CSMD1: variants seen among roughly 807,000 people sequenced by gnomAD.
CSMD1 encodes CUB and sushi domain-containing protein 1.
Under a neutral mutation model 417.5 loss-of-function variants are expected in CSMD1, and 213 were observed. That is an observed-to-expected ratio of 0.51 (90% CI 0.46 to 0.57). CSMD1 has a LOEUF of 0.57. Ranked by LOEUF, CSMD1 falls within the 20% of genes least tolerant of loss-of-function variation. CSMD1 has a pLI of 0.00. For synonymous variants in CSMD1, 2,862 were observed against 1,736.8 expected (o/e 1.65, Z -16.11); for missense variants, 6,923 against 4,529.7 (o/e 1.53, Z -15.17).
chr8:3,010,032 C>T (rs117203151), intron 52 of CSMD1, among the ~76,000 whole-genome samples: 2 of 152,294 alleles, frequency 1.3e-5, no homozygotes, highest in Non-Finnish European at 2.9e-5. Context: ...CTGGGCCTAT[C>T]CTGCCTCATT....
intron 3 of CSMD1, among the ~76,000 whole-genome samples, chr8:4,050,289 T>G (rs1274068191): frequency 6.6e-6 from 1 of 152,170 alleles, no homozygotes; most frequent in African/African-American, 2.4e-5. Context: ...AGGGAGGAAC[T>G]ATGAGCAGCA....
chr8:4,464,055 A>C (rs1365781264), intron 2 of CSMD1, among the ~76,000 whole-genome samples: 4 of 152,170 alleles, frequency 2.6e-5, no homozygotes, highest in South Asian at 2.1e-4. Context: ...AAAAAAAGGA[A>C]TATGGTAAGA....
intron 3 of CSMD1, among the ~76,000 whole-genome samples, chr8:4,329,311 TG>T (rs1452662012): frequency 2.0e-5 from 3 of 152,172 alleles, no homozygotes; most frequent in African/African-American, 4.8e-5. Context: ...TTTTTTGAGA[TG>T]GAGTCTTGCT....
At chr8:4,163,076 T>A (rs1456504657) in intron 3 of CSMD1, among the ~76,000 whole-genome samples, 2 of 152,340 alleles carry the variant, frequency 1.3e-5, no homozygotes, top group East Asian at 3.9e-4. Context: ...GTTAATTTTG[T>A]TTTAGCAATG....
chr8:4,315,991 CTTT>C (rs1310304867), intron 3 of CSMD1, among the ~76,000 whole-genome samples: 1 of 152,010 alleles, frequency 6.6e-6, no homozygotes, highest in Non-Finnish European at 1.5e-5. Context: ...ATCTTTTATT[CTTT>C]TTTCTTTCCT....
intron 1 of CSMD1, among the ~76,000 whole-genome samples, chr8:4,936,893 C>G (rs1807656077): frequency 6.6e-6 from 1 of 152,106 alleles, no homozygotes; most frequent in Non-Finnish European, 1.5e-5. Flanking sequence ...TTATTATTTT[C>G]TCTTGTGTTT....
chr8:4,685,751 A>C (rs538638841), intron 1 of CSMD1, among the ~76,000 whole-genome samples: 2 of 152,332 alleles, frequency 1.3e-5, no homozygotes, highest in African/African-American at 2.4e-5. Flanking sequence ...ATTACGTTTC[A>C]AATCTGTTGG....
At chr8:3,324,827 T>C (rs1806418593) in intron 23 of CSMD1, among the ~76,000 whole-genome samples, 1 of 152,246 alleles carries the variant, frequency 6.6e-6, no homozygotes, top group Non-Finnish European at 1.5e-5. Context: ...GTGCTAATTG[T>C]ATCACTTCAG....
chr8:4,723,116 C>T (rs1400108030), intron 1 of CSMD1, among the ~76,000 whole-genome samples: 2 of 152,144 alleles, frequency 1.3e-5, no homozygotes, highest in Non-Finnish European at 2.9e-5. Flanking sequence ...CTGACTTGTA[C>T]ACCTAACACC....
chr8:4,439,296 G>A (rs1225990155), intron 2 of CSMD1, among the ~76,000 whole-genome samples: 3 of 152,162 alleles, frequency 2.0e-5, no homozygotes, highest in Admixed American at 6.5e-5. Flanking sequence ...TTTCACTGCT[G>A]CCAAAATTAC....
intron 37 of CSMD1, among the ~76,000 whole-genome samples, chr8:3,176,681 G>A (rs1563112856): frequency 6.6e-6 from 1 of 152,124 alleles, no homozygotes; most frequent in African/African-American, 2.4e-5. Flanking sequence ...TAAAAATACT[G>A]AAGTATAAAA....
chr8:2,960,316 A>G (rs561819162), intron 62 of CSMD1, among the ~76,000 whole-genome samples: 92 of 152,364 alleles, frequency 6.0e-4, no homozygotes, highest in African/African-American at 2.0e-3. Context: ...GAGAGCTACA[A>G]GGAAATGGCC....
chr8:4,294,170 C>T (rs1237018816), intron 3 of CSMD1, among the ~76,000 whole-genome samples: 5 of 152,108 alleles, frequency 3.3e-5, no homozygotes, highest in East Asian at 3.9e-4. Context: ...CTGTAAGATG[C>T]CATCAGCAGC....
In CSMD1 at chr8:3,371,477, C is replaced by CTT. The variant is rs11443729; in HGVS notation, c.2783-2109_2783-2108dup. Among the ~76,000 whole-genome samples, 1,383 of 146,888 alleles carry CTT rather than the reference C, an allele frequency of 9.4e-3. 19 individuals are homozygous for CTT. Among genetic ancestry groups the CTT allele is most frequent in the African/African-American group, 0.029 (1,180 of 40,228 alleles). On this transcript the variant is annotated intron_variant, in intron 18 of 69. Coordinates refer to ENST00000635120, the MANE Select transcript of CSMD1 (RefSeq NM_033225.6). ...CTATGCATTTCACAAGGTTCCTTTG[C>CTT]TTTTTTTTTTTTTAACATGCCCACA...
chr8:2,973,409 A>T, intron 56 of CSMD1, 110 bp from the exon 57 acceptor site: 1 of 1,053,166 alleles, frequency 9.5e-7, no homozygotes, highest in Non-Finnish European at 1.4e-6. Context: ...GTTTCACATG[A>T]GTTATGGTTA....
chr8:4,466,866 C>G (rs182166363), intron 2 of CSMD1, among the ~76,000 whole-genome samples: 1 of 151,848 alleles, frequency 6.6e-6, no homozygotes, highest in African/African-American at 2.4e-5. Context: ...ATGACTTCAG[C>G]GATGAGACTA....
intron 12 of CSMD1, among the ~76,000 whole-genome samples, chr8:3,435,431 G>T (rs1814493148): frequency 1.3e-5 from 2 of 152,054 alleles, no homozygotes; most frequent in Non-Finnish European, 2.9e-5. Context: ...ACCTGTGGAT[G>T]CCTATTGAAC....
intron 2 of CSMD1, among the ~76,000 whole-genome samples, chr8:4,514,540 A>C (rs1368234484): frequency 1.3e-5 from 2 of 152,156 alleles, no homozygotes; most frequent in South Asian, 2.1e-4. Flanking sequence ...AACTCAAAAC[A>C]ACTGACGCTA....
intron 2 of CSMD1, among the ~76,000 whole-genome samples, chr8:4,458,005 C>T (rs1040975116): frequency 6.6e-6 from 1 of 152,176 alleles, no homozygotes; most frequent in Non-Finnish European, 1.5e-5. Context: ...GAGGTAGTGA[C>T]TTCTCCCTAT....
Sources: gnomAD v4.1 joint callset for allele counts (sites outside exome capture counted in the v4.1 genomes callset) on GRCh38, gnomAD v4.1.1 for gene constraint, MANE v1.5 for transcripts, NCBI Gene and HGNC (gene_info 2026-07-23, HGNC 2026-07-21) for gene names.